The following NRTN variants were observed in gnomAD, a reference collection of about 807,000 sequenced individuals.
The protein encoded by NRTN is prepro-neurturin.
Under a neutral mutation model 7.5 loss-of-function variants are expected in NRTN, and 3 were observed. The observed-to-expected ratio is 0.40, with a 90% confidence interval of 0.18 to 1.03. The LOEUF (loss-of-function observed/expected upper bound fraction) is 1.03, where lower values mean the gene tolerates loss of function less well. NRTN is among the 50% of genes least tolerant of loss of function. The probability of loss-of-function intolerance (pLI) is 0.34; values close to 1 mark genes in which losing one functional copy is unlikely to be tolerated. For synonymous variants in NRTN, 157 were observed against 146.6 expected, an observed-to-expected ratio of 1.07 and a Z score of -0.51; for missense variants, 310 against 307.0, an observed-to-expected ratio of 1.01 and a Z score of -0.07.
At chr19:5,812,850 C>T (rs1386396242) in intron 1 of NRTN, among the ~76,000 whole-genome samples, 1 of 152,232 alleles carries the variant, frequency 6.6e-6, no homozygotes, top group Non-Finnish European at 1.5e-5. Context: ...ACAGGCCCAG[C>T]TGTGAGCCCT....
At chr19:5,815,541 C>G (rs889242882) in intron 1 of NRTN, among the ~76,000 whole-genome samples, 4 of 144,916 alleles carry the variant, frequency 2.8e-5, no homozygotes, top group African/African-American at 1.0e-4. Flanking sequence ...AAGCAATTCT[C>G]CTGCCTTACT....
chr19:5,821,983 G>A (rs142659156), intron 1 of NRTN, among the ~76,000 whole-genome samples: 211 of 152,258 alleles, frequency 1.4e-3, no homozygotes, highest in African/African-American at 4.9e-3. Flanking sequence ...TACCCATTTT[G>A]TGCCTCGGTT....
chr19:5,822,477 G>A (rs1035243745), intron 1 of NRTN, among the ~76,000 whole-genome samples: 4 of 152,374 alleles, frequency 2.6e-5, no homozygotes, highest in African/African-American at 4.8e-5. Context: ...GAGCCCAGAC[G>A]GCGTCGAGTG....
intron 2 of NRTN, 50 bp from the exon 3 acceptor site, chr19:5,827,696 TCCC>T: frequency 2.3e-6 from 1 of 426,646 alleles, no homozygotes; most frequent in Non-Finnish European, 3.3e-6. Context: ...GGGGGCTCCC[TCCC>T]ACCCCCTGCA....
intron 1 of NRTN, among the ~76,000 whole-genome samples, chr19:5,813,611 T>G (rs1233660015): frequency 1.3e-5 from 2 of 150,358 alleles, no homozygotes; most frequent in African/African-American, 2.5e-5. Context: ...GAGGCGGAGG[T>G]TGCAGTGAGC....
intron 1 of NRTN, among the ~76,000 whole-genome samples, chr19:5,821,931 G>C (rs1419144464): frequency 6.6e-6 from 1 of 152,096 alleles, no homozygotes; most frequent in East Asian, 1.9e-4. Context: ...AAAGAACCTG[G>C]GTTCAAATCC....
chr19:5,805,236 C>A lies in NRTN; in HGVS notation c.-614C>A, dbSNP rs1263782617. ...CCAGGGCACCCACCCCCAGCCCCAG[C>A]CCCCGCCGGCCCGGGATGGCCGCAG... is the stretch of plus-strand genomic sequence containing the variant. On this transcript the variant is annotated 5_prime_UTR_variant, in exon 1 of 3. Coordinates refer to ENST00000303212, the MANE Select transcript of NRTN (RefSeq NM_004558.5). Among the ~76,000 whole-genome samples the A allele has an allele frequency of 1.4e-5, 2 of 146,360 alleles. No individual in the cohort carries two copies. Among genetic ancestry groups the A allele is most frequent in the Non-Finnish European group, 1.5e-5 (1 of 65,864 alleles).
intron 1 of NRTN, among the ~76,000 whole-genome samples, chr19:5,815,146 G>A (rs2057001075): frequency 6.6e-6 from 1 of 152,194 alleles, no homozygotes; most frequent in African/African-American, 2.4e-5. Flanking sequence ...GTTCACCTGT[G>A]CACCCCTGTG....
At chr19:5,820,621 T>C (rs1599637786) in intron 1 of NRTN, among the ~76,000 whole-genome samples, 1 of 140,422 alleles carries the variant, frequency 7.1e-6, no homozygotes, top group Non-Finnish European at 1.5e-5. Flanking sequence ...CCCAGCTACT[T>C]GGGAGGCTGA....
At chr19:5,808,540 G>T (rs1197810393) in intron 1 of NRTN, among the ~76,000 whole-genome samples, 2 of 152,208 alleles carry the variant, frequency 1.3e-5, no homozygotes, top group Non-Finnish European at 2.9e-5. Context: ...GGCGGGTACA[G>T]GAAGAGAGAG....
chr19:5,813,110 C>T (rs2056995126), intron 1 of NRTN, among the ~76,000 whole-genome samples: 2 of 151,836 alleles, frequency 1.3e-5, no homozygotes, highest in Admixed American at 1.3e-4. Context: ...CATGGTGGCT[C>T]ACACCTGTAA....
chr19:5,810,589 A>G (rs536600510), intron 1 of NRTN, among the ~76,000 whole-genome samples: 2 of 152,206 alleles, frequency 1.3e-5, no homozygotes, highest in African/African-American at 4.8e-5. Context: ...GGAATAGCCA[A>G]CATTGCTGGT....
intron 1 of NRTN, among the ~76,000 whole-genome samples, 191 bp downstream of exon 1, chr19:5,805,642 G>A (rs570832069): frequency 6.6e-5 from 10 of 152,168 alleles, no homozygotes; most frequent in African/African-American, 2.4e-4. Flanking sequence ...AGGGGCGGGG[G>A]CGTGAAGCCA....
At chr19:5,812,088 G>T (rs1197603378) in intron 1 of NRTN, among the ~76,000 whole-genome samples, 1 of 150,442 alleles carries the variant, frequency 6.6e-6, no homozygotes, top group Non-Finnish European at 1.5e-5. Context: ...ATCCAAGATG[G>T]TCTCGATCTC....
chr19:5,813,400 G>A (rs1207487018), intron 1 of NRTN, among the ~76,000 whole-genome samples: 3 of 151,818 alleles, frequency 2.0e-5, no homozygotes, highest in Admixed American at 6.6e-5. Flanking sequence ...GGCCAGGCGC[G>A]GTGGCTCACG....
At chr19:5,810,562 G>A (rs1045343309) in intron 1 of NRTN, among the ~76,000 whole-genome samples, 13 of 152,092 alleles carry the variant, frequency 8.5e-5, no homozygotes, top group Non-Finnish European at 1.9e-4. Flanking sequence ...TCATCACAGT[G>A]TCTGCCTCTA....
chr19:5,827,850 CGGCGGCGCGCGCGTGCGCGGTTGG>C lies in NRTN; in HGVS notation c.274_297del (p.Arg92_Gly99del). The C allele has an allele frequency of 8.5e-7, 1 of 1,174,102 alleles. No individual in the cohort carries two copies. Among genetic ancestry groups the C allele is most frequent in the Non-Finnish European group, 1.0e-6 (1 of 954,504 alleles). The allele number at this position is 1,174,102 out of a possible 1,614,324, so 72.7% of individuals were successfully genotyped here. ...TCCGCGCCGTCGGGCGGGGCCCCGGCGGCGGCGCGCGCGTGCGCGGTTGGGGGCGCGGCCTTGCGGGCTGCGCGA... is the reference window on the plus strand; with the variant it reads ...TCCGCGCCGTCGGGCGGGGCCCCGGCGGGCGCGGCCTTGCGGGCTGCGCGA... On this transcript the variant is annotated inframe_deletion, in exon 3 of 3. Transcript: ENST00000303212.
rs2057046823 is a variant in NRTN at position 5,826,472 on chromosome 19, G to A, written c.170-1277G>A. The stretch of plus-strand genomic sequence containing the variant: ...GTGGCAGAGTCATGCTCTGAGGCTG[G>A]GTTTGTCTCGTTTCTGAGACCCCCT... On this transcript the variant is annotated intron_variant, in intron 2 of 2. Transcript: ENST00000303212. Among the ~76,000 whole-genome samples, 3 of 152,284 alleles carry A rather than the reference G, an allele frequency of 2.0e-5. No homozygotes were observed. The South Asian group carries it at 6.2e-4, about 32-fold the overall frequency.
chr19:5,805,927 G>A (rs897226077), intron 1 of NRTN, among the ~76,000 whole-genome samples: 2 of 151,284 alleles, frequency 1.3e-5, no homozygotes, highest in Non-Finnish European at 1.5e-5. Context: ...TCTGTCAGTG[G>A]CGCGTTCCCT....
Sources: gnomAD v4.1 joint callset for allele counts (sites outside exome capture counted in the v4.1 genomes callset) on GRCh38, gnomAD v4.1.1 for gene constraint, MANE v1.5 for transcripts, NCBI Gene and HGNC (gene_info 2026-07-23, HGNC 2026-07-21) for gene names.